Variants in FAM117B observed in about 807,000 individuals in gnomAD.
FAM117B encodes protein FAM117B.
Under a neutral mutation model 52.8 loss-of-function variants are expected in FAM117B, and 22 were observed. The ratio of observed to expected loss-of-function variants is 0.42; its 90% CI spans 0.30 to 0.59. The LOEUF (loss-of-function observed/expected upper bound fraction) is 0.59, where lower values mean the gene tolerates loss of function less well. FAM117B is among the 20% of genes least tolerant of loss of function. FAM117B has a pLI of 0.22. For synonymous variants in FAM117B, 309 were observed against 324.1 expected (o/e 0.95, Z 0.50); for missense variants, 678 against 802.6 (o/e 0.84, Z 1.88).
intron 1 of FAM117B, among the ~76,000 whole-genome samples, chr2:202,669,717 G>C (rs1690260988): frequency 6.6e-6 from 1 of 152,170 alleles, no homozygotes; most frequent in African/African-American, 2.4e-5. Flanking sequence ...CAAAAATATG[G>C]ATGAGTATTG....
chr2:202,747,958 G>T (rs1475254810), intron 4 of FAM117B, among the ~76,000 whole-genome samples: 2 of 152,014 alleles, frequency 1.3e-5, no homozygotes, highest in Non-Finnish European at 2.9e-5. Flanking sequence ...AGAAATAGAA[G>T]AAACAATCCT....
chr2:202,766,059 A>G lies in FAM117B; in HGVS notation c.*295A>G. The G allele has an allele frequency of 3.7e-6, 1 of 270,288 alleles. No homozygotes were observed. Among genetic ancestry groups the G allele is most frequent in the South Asian group, 3.6e-5 (1 of 27,958 alleles). 16.7% of individuals were successfully genotyped at this position (270,288 alleles called of 1,614,324 possible). A position where few individuals can be genotyped will look rare whatever the true frequency, so the allele number is the denominator to read the frequency against. ...TTTTGTTTTCGAATTAGACTTCTTT[A>G]AAACACACACACACACACACACACA... is the stretch of plus-strand genomic sequence containing the variant. On this transcript the variant is annotated 3_prime_UTR_variant, in exon 8 of 8. Coordinates refer to ENST00000392238, the MANE Select transcript of FAM117B (RefSeq NM_173511.4).
intron 7 of FAM117B, 58 bp downstream of exon 7, chr2:202,759,411 A>G (rs928514000): frequency 5.7e-6 from 9 of 1,579,672 alleles, no homozygotes; most frequent in Admixed American, 5.6e-5. Flanking sequence ...TTTTTTTGAG[A>G]TAGGATCTCA....
chr2:202,686,117 T>G (rs530951388), intron 1 of FAM117B, among the ~76,000 whole-genome samples: 29 of 152,316 alleles, frequency 1.9e-4, no homozygotes, highest in Non-Finnish European at 3.8e-4. Context: ...ATGGATTTGA[T>G]CAGACATATC....
chr2:202,736,873 C>T (rs7599294), intron 4 of FAM117B, among the ~76,000 whole-genome samples: 1,522 of 152,116 alleles, frequency 0.01, 22 homozygotes, highest in African/African-American at 0.034. Context: ...CTGTATAGAC[C>T]TTTCTCCATC....
chr2:202,754,053 TCTA>T (rs528565603), intron 4 of FAM117B, among the ~76,000 whole-genome samples: 35 of 152,280 alleles, frequency 2.3e-4, no homozygotes, highest in African/African-American at 8.2e-4. Flanking sequence ...TATAAATCAT[TCTA>T]CTATAAAGAC....
intron 2 of FAM117B, among the ~76,000 whole-genome samples, chr2:202,718,275 C>A (rs1477652236): frequency 1.3e-5 from 2 of 152,212 alleles, no homozygotes; most frequent in African/African-American, 4.8e-5. Flanking sequence ...GTGCTCTCTG[C>A]CACTGTGGCC....
rs1173475444 is a variant in FAM117B at position 202,755,525 on chromosome 2, C to T, written c.961-13C>T. The T allele has an allele frequency of 1.9e-6, 3 of 1,612,532 alleles. No homozygotes were observed. Among genetic ancestry groups the T allele is most frequent in the Non-Finnish European group, 2.5e-6 (3 of 1,179,326 alleles). On this transcript the variant is annotated splice_polypyrimidine_tract_variant and intron_variant, in intron 4 of 7. Coordinates refer to ENST00000392238, the MANE Select transcript of FAM117B (RefSeq NM_173511.4). ...TAATGTTAAGCCTCTCTTCTCCATCCCATTTTCTTAAGGCTCCTGTTCCAA... is the reference window on the plus strand; with the variant it reads ...TAATGTTAAGCCTCTCTTCTCCATCTCATTTTCTTAAGGCTCCTGTTCCAA...
At chr2:202,735,054 G>A (rs913978194) in intron 4 of FAM117B, among the ~76,000 whole-genome samples, 1 of 151,978 alleles carries the variant, frequency 6.6e-6, no homozygotes, top group Admixed American at 6.6e-5. Flanking sequence ...CATATTATAT[G>A]TTAGATTACA....
In FAM117B at chr2:202,694,632, A is replaced by G. The variant is rs550593006; in HGVS notation, c.602-1249A>G. Among the ~76,000 whole-genome samples, 4 of 152,220 alleles carry G rather than the reference A, an allele frequency of 2.6e-5. No homozygotes were observed. In the South Asian group the frequency reaches 6.2e-4, roughly 24 times the overall value. On this transcript the variant is annotated intron_variant, in intron 1 of 7. Coordinates refer to ENST00000392238, the MANE Select transcript of FAM117B (RefSeq NM_173511.4). ...TGTCTTATAACTATTATATTGGCAA[A>G]TACCCACTTTGTTTGCTCAGAAATG... is the stretch of plus-strand genomic sequence containing the variant.
Position 202,635,714 on chromosome 2 carries a change from A to G in FAM117B, c.527A>G (p.His176Arg), listed in dbSNP as rs1346607203. 8 of 1,425,998 alleles carry G rather than the reference A, an allele frequency of 5.6e-6. No individual in the cohort carries two copies. The highest frequency in any genetic ancestry group is 6.4e-5 in the East Asian group (2 of 31,488). The allele number at this position is 1,425,998 out of a possible 1,614,324, so 88.3% of individuals were successfully genotyped here. Residue 176 changes from histidine to arginine, a missense_variant, in exon 1 of 8, where the codon CAT becomes CGT. Physicochemically the swap from His to Arg is conservative, Grantham distance 29. Transcript: ENST00000392238. ...SAAPPPARVR[H>R]RRRSPEQSRS... ...GCCCCACCCCCAGCCCGCGTCCGGC[A>G]TCGGAGGAGGTCTCCGGAGCAGAGC...
intron 2 of FAM117B, among the ~76,000 whole-genome samples, chr2:202,713,111 T>A (rs2105782768): frequency 6.6e-6 from 1 of 152,312 alleles, no homozygotes; most frequent in Middle Eastern, 3.4e-3. Context: ...TGGTGTTAGT[T>A]CTTCTTTAAA....
chr2:202,721,707 C>T (rs533664200), intron 2 of FAM117B, among the ~76,000 whole-genome samples: 1 of 152,216 alleles, frequency 6.6e-6, no homozygotes, highest in South Asian at 2.1e-4. Flanking sequence ...AAGCACAGCT[C>T]AGTGCAGCCT....
intron 4 of FAM117B, among the ~76,000 whole-genome samples, chr2:202,737,214 T>C (rs1269025461): frequency 6.6e-6 from 1 of 152,190 alleles, no homozygotes; most frequent in Admixed American, 6.5e-5. Context: ...TACTTCAGCA[T>C]GTAACTGTCT....
At chr2:202,667,055 C>T (rs1001403497) in intron 1 of FAM117B, among the ~76,000 whole-genome samples, 2 of 152,030 alleles carry the variant, frequency 1.3e-5, no homozygotes, top group African/African-American at 4.8e-5. Flanking sequence ...GTAAAAATGT[C>T]GTAAAAACTG....
At chr2:202,644,189 GT>G (rs895981522) in intron 1 of FAM117B, among the ~76,000 whole-genome samples, 1 of 149,790 alleles carries the variant, frequency 6.7e-6, no homozygotes, top group Non-Finnish European at 1.5e-5. Flanking sequence ...GCATCTTTTG[GT>G]TAAATCAGTA....
intron 4 of FAM117B, among the ~76,000 whole-genome samples, chr2:202,748,045 T>G (rs867696400): frequency 1.3e-5 from 2 of 152,170 alleles, no homozygotes; most frequent in African/African-American, 2.4e-5. Context: ...GGCATCATAC[T>G]ACCTGACTTC....
chr2:202,748,067 C>T (rs1691661185), intron 4 of FAM117B, among the ~76,000 whole-genome samples: 1 of 152,084 alleles, frequency 6.6e-6, no homozygotes, highest in Admixed American at 6.6e-5. Context: ...AAATATATTA[C>T]ACAAAGCTAT....
chr2:202,699,493 C>T (rs1227644020), intron 2 of FAM117B, among the ~76,000 whole-genome samples: 2 of 133,082 alleles, frequency 1.5e-5, no homozygotes, highest in African/African-American at 5.6e-5. Flanking sequence ...AATTATCATA[C>T]TGTTAATCTT....
Sources: allele counts gnomAD v4.1 joint callset (sites outside exome capture counted in the v4.1 genomes callset), GRCh38; gene constraint gnomAD v4.1.1; transcripts MANE v1.5; gene names NCBI Gene and HGNC (gene_info 2026-07-23, HGNC 2026-07-21).